Variants in MBOAT2 observed in about 807,000 individuals in gnomAD.
MBOAT2 encodes the protein membrane-bound glycerophospholipid O-acyltransferase 2.
In MBOAT2, 28 loss-of-function variants were observed where a neutral mutation model predicts 63.4. That is an observed-to-expected ratio of 0.44 (90% CI 0.33 to 0.61). The LOEUF (loss-of-function observed/expected upper bound fraction) is 0.61. Ranked by LOEUF, MBOAT2 falls within the 20% of genes least tolerant of loss-of-function variation. MBOAT2 has a pLI of 0.03. For synonymous variants in MBOAT2, 211 were observed against 215.6 expected, an observed-to-expected ratio of 0.98 and a Z score of 0.19; for missense variants, 470 against 605.8, an observed-to-expected ratio of 0.78 and a Z score of 2.35.
intron 3 of MBOAT2, among the ~76,000 whole-genome samples, chr2:8,923,298 T>C (rs986830136): frequency 6.6e-6 from 1 of 152,170 alleles, no homozygotes; most frequent in Non-Finnish European, 1.5e-5. Context: ...TCTCAACTAC[T>C]CCTACAGAAA....
intron 2 of MBOAT2, among the ~76,000 whole-genome samples, 182 bp downstream of exon 2, chr2:8,958,315 G>A (rs189678138): frequency 4.6e-5 from 7 of 152,324 alleles, no homozygotes; most frequent in South Asian, 2.1e-4. Flanking sequence ...TAAAGAGAGA[G>A]CAAGCCCATT....
At chr2:8,925,996 TAG>T (rs1490106504) in intron 3 of MBOAT2, among the ~76,000 whole-genome samples, 1 of 152,158 alleles carries the variant, frequency 6.6e-6, no homozygotes. Context: ...AAGAGGAGTG[TAG>T]AGAGGGTAAG....
chr2:8,882,650 C>T, intron 5 of MBOAT2, 85 bp from the exon 6 acceptor site: 1 of 1,195,198 alleles, frequency 8.4e-7, no homozygotes, highest in Non-Finnish European at 1.2e-6. Flanking sequence ...TTACTTTCCT[C>T]ATTTGAAATT....
intron 1 of MBOAT2, among the ~76,000 whole-genome samples, chr2:8,989,969 T>C (rs1307962510): frequency 6.6e-6 from 1 of 152,192 alleles, no homozygotes; most frequent in African/African-American, 2.4e-5. Context: ...CTCACACAGC[T>C]TGTAAGGGAT....
chr2:8,994,034 T>C (rs1391684536), intron 1 of MBOAT2, among the ~76,000 whole-genome samples: 1 of 152,024 alleles, frequency 6.6e-6, no homozygotes, highest in Non-Finnish European at 1.5e-5. Context: ...CTGAAGCAAA[T>C]AAAAGATCAG....
chr2:8,872,249 CTTTTTG>C (rs1276149775), intron 8 of MBOAT2, among the ~76,000 whole-genome samples: 1 of 152,174 alleles, frequency 6.6e-6, no homozygotes, highest in African/African-American at 2.4e-5. Context: ...CACATTCCAT[CTTTTTG>C]TTTTTGTTTT....
chr2:8,979,828 G>A (rs145879035), intron 1 of MBOAT2, among the ~76,000 whole-genome samples: 21 of 152,230 alleles, frequency 1.4e-4, no homozygotes, highest in African/African-American at 5.1e-4. Context: ...TTCATGTTGT[G>A]CTGACAACGC....
chr2:8,859,120 T>C (rs1045336970), intron 12 of MBOAT2, among the ~76,000 whole-genome samples: 4 of 152,214 alleles, frequency 2.6e-5, no homozygotes, highest in African/African-American at 9.7e-5. Context: ...ATTAGAAGCC[T>C]GATTTTCTAG....
At chr2:8,921,234 A>G (rs948459585) in intron 3 of MBOAT2, among the ~76,000 whole-genome samples, 4 of 152,086 alleles carry the variant, frequency 2.6e-5, no homozygotes, top group African/African-American at 9.7e-5. Context: ...CTTTCAATGT[A>G]TACTTTTTAT....
chr2:8,953,755 G>A (rs1427696411), intron 2 of MBOAT2, among the ~76,000 whole-genome samples: 1 of 152,210 alleles, frequency 6.6e-6, no homozygotes, highest in Non-Finnish European at 1.5e-5. Flanking sequence ...AATTCCTTGA[G>A]TGAGTTTTTC....
At chr2:8,935,541 A>G (rs1425976808) in intron 3 of MBOAT2, among the ~76,000 whole-genome samples, 2 of 152,186 alleles carry the variant, frequency 1.3e-5, no homozygotes, top group East Asian at 1.9e-4. Flanking sequence ...GGAGAGAGGG[A>G]AAAAAACAGC....
chr2:8,932,551 C>G (rs144793154), intron 3 of MBOAT2, among the ~76,000 whole-genome samples: 1 of 152,084 alleles, frequency 6.6e-6, no homozygotes, highest in Non-Finnish European at 1.5e-5. Context: ...ATAAAAAATT[C>G]TTTACAAGAA....
chr2:8,939,910 T>G (rs184541903), intron 3 of MBOAT2, among the ~76,000 whole-genome samples: 1 of 152,302 alleles, frequency 6.6e-6, no homozygotes, highest in Non-Finnish European at 1.5e-5. Context: ...TTTCGTTTCA[T>G]AAAAAGTGAT....
Position 8,896,148 on chromosome 2 carries a change from A to C in MBOAT2, c.396-8075T>G, listed in dbSNP as rs553269168. 7.2e-5 allele frequency among the ~76,000 whole-genome samples: 11 copies of C among 151,756 alleles called. No homozygotes were observed. The South Asian group carries it at 2.3e-3, about 32-fold the overall frequency. ...CAGCTACTCAGGAGGCTGAGGCAGA[A>C]GAATGGCGTGAACCCGGGAGGTGGA... On this transcript the variant is annotated intron_variant, in intron 4 of 12. Coordinates refer to ENST00000305997, the MANE Select transcript of MBOAT2 (RefSeq NM_138799.4).
chr2:8,923,939 A>G (rs552442549), intron 3 of MBOAT2, among the ~76,000 whole-genome samples: 18 of 152,278 alleles, frequency 1.2e-4, no homozygotes, highest in African/African-American at 4.3e-4. Context: ...TTTTTTGTAG[A>G]TCAGCAAGGA....
chr2:8,854,060 G>A lies in MBOAT2; in HGVS notation c.*4619C>T. ...AGCAGCTTAAGCATTGATTATAAGA[G>A]CTTTCCTACAAAATACCGATGTGGA... On this transcript the variant is annotated 3_prime_UTR_variant, in exon 13 of 13. Transcript: ENST00000305997. The A allele has an allele frequency of 6.6e-6, 1 of 152,180 alleles. No homozygotes were observed. Among genetic ancestry groups the A allele is most frequent in the East Asian group, 1.9e-4 (1 of 5,204 alleles). The allele number at this position is 152,180 out of a possible 1,614,324, so 9.4% of individuals were successfully genotyped here. A position where few individuals can be genotyped will look rare whatever the true frequency, so the allele number is the denominator to read the frequency against.
intron 6 of MBOAT2, among the ~76,000 whole-genome samples, chr2:8,881,447 T>A (rs1362739326): frequency 1.3e-5 from 2 of 152,096 alleles, no homozygotes; most frequent in Non-Finnish European, 2.9e-5. Flanking sequence ...ATTGGGGTAA[T>A]AAATTCAAAA....
intron 4 of MBOAT2, among the ~76,000 whole-genome samples, chr2:8,891,348 T>G (rs1471703658): frequency 6.6e-6 from 1 of 152,112 alleles, no homozygotes; most frequent in African/African-American, 2.4e-5. Flanking sequence ...AAATGCAAAT[T>G]GGAGGGCAAA....
chr2:8,936,686 G>A (rs1217173829), intron 3 of MBOAT2, among the ~76,000 whole-genome samples: 2 of 150,916 alleles, frequency 1.3e-5, no homozygotes, highest in Non-Finnish European at 2.9e-5. Flanking sequence ...GGAGGCTGAG[G>A]CAGGAGAATT....
Sources: gnomAD v4.1 joint callset for allele counts (sites outside exome capture counted in the v4.1 genomes callset) on GRCh38, gnomAD v4.1.1 for gene constraint, MANE v1.5 for transcripts, NCBI Gene and HGNC (gene_info 2026-07-23, HGNC 2026-07-21) for gene names.